Variants in DENND11 observed in about 807,000 individuals in gnomAD.
DENND11 encodes the protein DENN domain-containing protein 11.
A neutral mutation model predicts 49.2 loss-of-function variants in DENND11; 34 were observed. The ratio of observed to expected loss-of-function variants is 0.69; its 90% CI spans 0.53 to 0.92. DENND11 has a LOEUF of 0.92. DENND11 is among the 40% of genes least tolerant of loss of function. The pLI is 0.00. For synonymous variants in DENND11, 238 were observed against 230.3 expected (o/e 1.03, Z -0.30); for missense variants, 475 against 581.6 (o/e 0.82, Z 1.88).
chr7:141,688,626 C>T (rs1010378390), intron 1 of DENND11, among the ~76,000 whole-genome samples: 3 of 152,258 alleles, frequency 2.0e-5, no homozygotes, highest in Middle Eastern at 3.4e-3. Context: ...GGGGATAAGA[C>T]GAGTTTTTTA....
chr7:141,663,565 T>C (rs1797839578), intron 8 of DENND11: 4 of 152,146 alleles, frequency 2.6e-5, no homozygotes, highest in African/African-American at 7.2e-5. Flanking sequence ...AAGTCCACTA[T>C]TAGAATCAAG....
At chr7:141,695,136 T>TGTGATTTTTACTTC (rs1474267644) in intron 1 of DENND11, among the ~76,000 whole-genome samples, 2 of 152,212 alleles carry the variant, frequency 1.3e-5, no homozygotes, top group African/African-American at 4.8e-5. Context: ...TCATAAGCCC[T>TGTGATTTTTACTTC]GTGATTTTTA....
At chr7:141,690,807 C>T (rs1798315652) in intron 1 of DENND11, among the ~76,000 whole-genome samples, 1 of 152,180 alleles carries the variant, frequency 6.6e-6, no homozygotes, top group African/African-American at 2.4e-5. Context: ...AAGCTAGACA[C>T]ATTCCTTTAT....
At chr7:141,686,681 GT>G (rs769857244) in intron 1 of DENND11, 23 bp from the exon 2 acceptor site, 25 of 1,548,196 alleles carry the variant, frequency 1.6e-5, no homozygotes, top group Non-Finnish European at 1.2e-5. Flanking sequence ...GAAGATGCAA[GT>G]TAAAAGAAAC....
At chr7:141,672,762 T>C (rs1798002863) in intron 4 of DENND11, among the ~76,000 whole-genome samples, 2 of 152,342 alleles carry the variant, frequency 1.3e-5, no homozygotes, top group African/African-American at 2.4e-5. Flanking sequence ...ATCACTAATA[T>C]AGGGTGTTAG....
intron 1 of DENND11, 79 bp from the exon 2 acceptor site, chr7:141,686,737 T>C (rs1798249703): frequency 1.0e-6 from 1 of 954,930 alleles, no homozygotes; most frequent in Non-Finnish European, 1.6e-6. Flanking sequence ...TTAGCACACA[T>C]GGCTTTTCAA....
At chr7:141,665,382 C>A in intron 5 of DENND11, 64 bp from the exon 6 acceptor site, 1 of 1,595,474 alleles carries the variant, frequency 6.3e-7, no homozygotes, top group Non-Finnish European at 8.5e-7. Context: ...TCCCTCGGAG[C>A]CTGCGGCTCA....
chr7:141,684,932 T>C (rs1288919882), intron 3 of DENND11, among the ~76,000 whole-genome samples: 2 of 146,276 alleles, frequency 1.4e-5, no homozygotes, highest in Non-Finnish European at 3.0e-5. Context: ...CTCAGCTCTT[T>C]GGCAGGCTGA....
chr7:141,663,855 T>C lies in DENND11; in HGVS notation c.1172+317A>G, dbSNP rs981886650. 4 of 346,276 alleles carry C rather than the reference T, an allele frequency of 1.2e-5. No individual in the cohort carries two copies. The Admixed American group carries it at 1.6e-4, about 14-fold the overall frequency. 21.5% of individuals were successfully genotyped at this position (346,276 alleles called of 1,614,324 possible). A position where few individuals can be genotyped will look rare whatever the true frequency, so the allele number is the denominator to read the frequency against. On this transcript the variant is annotated intron_variant, in intron 8 of 8. Coordinates refer to ENST00000536163, the MANE Select transcript of DENND11 (RefSeq NM_001080392.2). ...CTCTATTCAAAGGAGGCAATGGAAA[T>C]GAGAAGTCCCTGAGTCCTGAGGGAC...
intron 4 of DENND11, among the ~76,000 whole-genome samples, chr7:141,669,868 G>C (rs1202999641): frequency 7.3e-6 from 1 of 136,118 alleles, no homozygotes; most frequent in Non-Finnish European, 1.5e-5. Flanking sequence ...GGAGTGCAGT[G>C]GCGCAATCTC....
intron 1 of DENND11, among the ~76,000 whole-genome samples, chr7:141,691,643 C>G (rs983062578): frequency 1.3e-5 from 2 of 152,190 alleles, no homozygotes; most frequent in East Asian, 1.9e-4. Context: ...CCATTAGAGG[C>G]TGGCAAATCA....
At chr7:141,676,821 C>A (rs977810796) in intron 3 of DENND11, among the ~76,000 whole-genome samples, 1 of 152,178 alleles carries the variant, frequency 6.6e-6, no homozygotes, top group Admixed American at 6.5e-5. Context: ...AATTGAGAAA[C>A]CACCACACCG....
intron 3 of DENND11, among the ~76,000 whole-genome samples, chr7:141,684,817 AT>A (rs1433916777): frequency 6.6e-6 from 1 of 151,794 alleles, no homozygotes; most frequent in African/African-American, 2.4e-5. Context: ...CTGAAATGTA[AT>A]TAGGTTACCT....
chr7:141,665,074 A>G lies in DENND11; in HGVS notation c.953-20T>C. On this transcript the variant is annotated intron_variant, in intron 6 of 8. Coordinates refer to ENST00000536163, the MANE Select transcript of DENND11 (RefSeq NM_001080392.2). ...TGGTGCCTGTGGAACCCGGGGTTAGAGAGGTGGGAACCCACCCGACCCCAC... is the reference window on the plus strand; with the variant it reads ...TGGTGCCTGTGGAACCCGGGGTTAGGGAGGTGGGAACCCACCCGACCCCAC... 1 of 1,612,826 alleles carries G rather than the reference A, an allele frequency of 6.2e-7. No individual in the cohort carries two copies. Among genetic ancestry groups the G allele is most frequent in the Non-Finnish European group, 8.5e-7 (1 of 1,178,998 alleles).
intron 3 of DENND11, among the ~76,000 whole-genome samples, chr7:141,682,180 A>G (rs914546627): frequency 2.0e-5 from 3 of 152,188 alleles, no homozygotes; most frequent in African/African-American, 7.2e-5. Flanking sequence ...ACTACTGCGC[A>G]CTACAGAGAA....
At chr7:141,667,423 G>A (rs1797912540) in intron 4 of DENND11, among the ~76,000 whole-genome samples, 2 of 152,192 alleles carry the variant, frequency 1.3e-5, no homozygotes, top group South Asian at 4.1e-4. Flanking sequence ...TGTGAAATAC[G>A]GAATCATCAC....
At position 141,662,400 on chromosome 7, in the gene DENND11, C is replaced by A; in HGVS notation, c.*256G>T. ...TAGTGATACAACTCCCATGACCAAG[C>A]CCAGAGGACCAGCAGCTCTGGGAGA... On this transcript the variant is annotated 3_prime_UTR_variant, in exon 9 of 9. Coordinates refer to ENST00000536163, the MANE Select transcript of DENND11 (RefSeq NM_001080392.2). 2.5e-6 allele frequency: 1 copy of A among 401,680 alleles called. No homozygotes were observed. 24.9% of individuals were successfully genotyped at this position (401,680 alleles called of 1,614,324 possible). A position where few individuals can be genotyped will look rare whatever the true frequency, so the allele number is the denominator to read the frequency against.
rs1335108893 is a variant in DENND11 at position 141,657,747 on chromosome 7, A to C, written c.*4909T>G. 1 of 152,636 alleles carries C rather than the reference A, an allele frequency of 6.6e-6. No individual in the cohort carries two copies. Among genetic ancestry groups the C allele is most frequent in the African/African-American group, 2.4e-5 (1 of 41,470 alleles). The allele number at this position is 152,636 out of a possible 1,614,324, so 9.5% of individuals were successfully genotyped here. ...AATAAATTCTAAAAAGAGGAAAGCA[A>C]GGCTTTTGTCTCCATCATCATTTCT... is the stretch of plus-strand genomic sequence containing the variant. On this transcript the variant is annotated 3_prime_UTR_variant, in exon 9 of 9. Coordinates refer to ENST00000536163, the MANE Select transcript of DENND11 (RefSeq NM_001080392.2).
chr7:141,674,213 A>G lies in DENND11; in HGVS notation c.535T>C (p.Leu179=). The G allele has an allele frequency of 6.5e-7, 1 of 1,546,168 alleles. No individual in the cohort carries two copies. Among genetic ancestry groups the G allele is most frequent in the African/African-American group, 1.4e-5 (1 of 72,876 alleles). The change falls in exon 4 of 9, where the codon TTG becomes CTG. Residue 179 remains leucine, a synonymous_variant. Transcript: ENST00000536163. ...TGAGAGTAATGTCCTGGCATCTCCA[A>G]CTGGTGCCTGCAGAAAAACACACAC... ...HFLENQVRHQ[L]EMPGHYSHLA...
Sources: gnomAD v4.1 joint callset for allele counts (sites outside exome capture counted in the v4.1 genomes callset) on GRCh38, gnomAD v4.1.1 for gene constraint, MANE v1.5 for transcripts, NCBI Gene and HGNC (gene_info 2026-07-23, HGNC 2026-07-21) for gene names.